TCF12: variants seen among roughly 807,000 people sequenced by gnomAD.
The protein encoded by TCF12 is DNA-binding protein HTF4.
In TCF12, 45 loss-of-function variants were observed where a neutral mutation model predicts 86.0. The ratio of observed to expected loss-of-function variants is 0.52; its 90% CI spans 0.41 to 0.67. TCF12 has a LOEUF of 0.67. Ranked by LOEUF, TCF12 falls within the 30% of genes least tolerant of loss-of-function variation. TCF12 has a pLI of 0.00. For synonymous variants in TCF12, 330 were observed against 299.6 expected, an observed-to-expected ratio of 1.10 and a Z score of -1.05; for missense variants, 881 against 859.9, an observed-to-expected ratio of 1.02 and a Z score of -0.31.
chr15:57,249,846 GTAAA>G (rs1310415226), intron 13 of TCF12, among the ~76,000 whole-genome samples: 1 of 152,068 alleles, frequency 6.6e-6, no homozygotes, highest in Non-Finnish European at 1.5e-5. Flanking sequence ...ATTATTTTCT[GTAAA>G]TGACTTATTT....
At chr15:57,184,023 T>A (rs1290659674) in intron 6 of TCF12, among the ~76,000 whole-genome samples, 1 of 152,162 alleles carries the variant, frequency 6.6e-6, no homozygotes, top group Non-Finnish European at 1.5e-5. Context: ...TTTGAAGAAA[T>A]AATTCACTGG....
upstream of TCF12, chr15:56,918,389 C>A (rs1294715740): frequency 5.4e-6 from 2 of 371,904 alleles, no homozygotes; most frequent in Admixed American, 6.4e-5. Context: ...GAGGCCCGGA[C>A]GAGGCTTCGT....
chr15:57,132,580 A>G (rs1256099246), intron 5 of TCF12, among the ~76,000 whole-genome samples: 4 of 152,190 alleles, frequency 2.6e-5, no homozygotes, highest in Admixed American at 2.6e-4. Context: ...AAGGTGCCGA[A>G]TTGCCCTCTG....
At chr15:57,059,657 C>G (rs1375242733) in intron 3 of TCF12, among the ~76,000 whole-genome samples, 2 of 147,272 alleles carry the variant, frequency 1.4e-5, no homozygotes, top group Non-Finnish European at 3.0e-5. Context: ...CTAAGTCTCA[C>G]CAATTCTTTA....
chr15:57,149,025 G>C (rs1310937802), intron 5 of TCF12, among the ~76,000 whole-genome samples: 1 of 152,120 alleles, frequency 6.6e-6, no homozygotes, highest in African/African-American at 2.4e-5. Flanking sequence ...GAACAGGAGT[G>C]CTTTAAGATT....
chr15:57,272,970 A>T (rs2061212462), intron 18 of TCF12, 60 bp from the exon 19 acceptor site: 2 of 1,476,236 alleles, frequency 1.4e-6, no homozygotes, highest in Non-Finnish European at 1.9e-6. Context: ...AATTGTGCAC[A>T]ATCAGCATAT....
intron 4 of TCF12, among the ~76,000 whole-genome samples, chr15:57,066,277 C>G (rs1417861530): frequency 6.6e-6 from 1 of 152,066 alleles, no homozygotes; most frequent in Non-Finnish European, 1.5e-5. Flanking sequence ...TGATAAGAAT[C>G]TCAACTAAAG....
At chr15:57,051,323 C>T (rs890875268) in intron 3 of TCF12, among the ~76,000 whole-genome samples, 4 of 152,104 alleles carry the variant, frequency 2.6e-5, no homozygotes, top group African/African-American at 7.2e-5. Flanking sequence ...TTCTTCCTCA[C>T]GTTTATGTTG....
rs771175071 is a variant in TCF12 at position 57,219,272 on chromosome 15, C to A, written c.580-11880C>A. ...AGTGACTTGCATTTTTTTAATACCT[C>A]AAATTTTGTCTTATTGGTATCCTCC... On this transcript the variant is annotated intron_variant, in intron 8 of 20. Transcript: ENST00000333725. 13 of 1,185,548 alleles carry A rather than the reference C, an allele frequency of 1.1e-5. 1 individual carries two copies. Among genetic ancestry groups the A allele is most frequent in the Non-Finnish European group, 1.3e-5 (12 of 957,394 alleles). 73.4% of individuals were successfully genotyped at this position (1,185,548 alleles called of 1,614,324 possible). A position where few individuals can be genotyped will look rare whatever the true frequency, so the allele number is the denominator to read the frequency against.
At chr15:57,101,924 C>T (rs1460521410) in intron 5 of TCF12, among the ~76,000 whole-genome samples, 2 of 152,182 alleles carry the variant, frequency 1.3e-5, no homozygotes, top group African/African-American at 4.8e-5. Flanking sequence ...CTTTTCCACA[C>T]TTGTCCCTGG....
intron 3 of TCF12, among the ~76,000 whole-genome samples, chr15:57,037,962 G>A (rs2066621910): frequency 6.6e-6 from 1 of 152,174 alleles, no homozygotes; most frequent in Admixed American, 6.5e-5. Flanking sequence ...CAGCTTGATG[G>A]ATTTCTAGGG....
chr15:56,962,854 G>T (rs2061829785), intron 3 of TCF12, among the ~76,000 whole-genome samples: 1 of 152,130 alleles, frequency 6.6e-6, no homozygotes, highest in African/African-American at 2.4e-5. Flanking sequence ...TAATGAAGTG[G>T]AAATTAGTGT....
At chr15:57,251,597 T>C (rs1308251159) in intron 14 of TCF12, among the ~76,000 whole-genome samples, 174 bp downstream of exon 14, 2 of 152,228 alleles carry the variant, frequency 1.3e-5, no homozygotes, top group Non-Finnish European at 2.9e-5. Context: ...TTTTGCCATC[T>C]GTTCTTTGGG....
At chr15:56,950,393 T>G (rs1204466435) in intron 3 of TCF12, among the ~76,000 whole-genome samples, 1 of 152,072 alleles carries the variant, frequency 6.6e-6, no homozygotes, top group Non-Finnish European at 1.5e-5. Flanking sequence ...GCCCAGTTAA[T>G]TTTTGCATTT....
At chr15:56,980,171 C>G (rs1269868519) in intron 3 of TCF12, among the ~76,000 whole-genome samples, 3 of 151,984 alleles carry the variant, frequency 2.0e-5, no homozygotes, top group African/African-American at 7.3e-5. Context: ...CCAGCCTGGT[C>G]AACATAAAGA....
At chr15:56,925,034 A>C (rs1209073725) in intron 3 of TCF12, among the ~76,000 whole-genome samples, 3 of 152,126 alleles carry the variant, frequency 2.0e-5, no homozygotes, top group Admixed American at 6.5e-5. Flanking sequence ...CCCTATTTCT[A>C]CTAATAATAC....
intron 6 of TCF12, among the ~76,000 whole-genome samples, chr15:57,183,071 C>T (rs1221561641): frequency 1.3e-5 from 2 of 152,054 alleles, no homozygotes; most frequent in Non-Finnish European, 1.5e-5. Flanking sequence ...TGCTATAAAT[C>T]CTAAATGAGA....
intron 3 of TCF12, among the ~76,000 whole-genome samples, chr15:56,963,482 T>A (rs995537892): frequency 1.8e-4 from 27 of 152,190 alleles, no homozygotes; most frequent in African/African-American, 5.8e-4. Context: ...AGTGAAAATA[T>A]AAGGATGGGG....
chr15:57,262,813 T>G (rs1417924091), intron 17 of TCF12, among the ~76,000 whole-genome samples: 3 of 152,216 alleles, frequency 2.0e-5, no homozygotes, highest in African/African-American at 7.2e-5. Context: ...TAGAAGTTAG[T>G]TTCTAAAATA....
Sources: allele counts gnomAD v4.1 joint callset (sites outside exome capture counted in the v4.1 genomes callset), GRCh38; gene constraint gnomAD v4.1.1; transcripts MANE v1.5; gene names NCBI Gene and HGNC (gene_info 2026-07-23, HGNC 2026-07-21).